Variants in NCOA6 observed in about 807,000 individuals in gnomAD.
NCOA6 encodes the protein NRC RAP250.
Under a neutral mutation model 171.4 loss-of-function variants are expected in NCOA6, and 49 were observed. The ratio of observed to expected loss-of-function variants is 0.29; its 90% confidence interval spans 0.23 to 0.36. NCOA6 has a LOEUF of 0.36. Among genes scored for constraint, NCOA6 ranks in the 10% least tolerant of loss-of-function variants. The pLI, the probability that NCOA6 is intolerant of heterozygous loss-of-function variation, is 1.00. For synonymous variants in NCOA6, 910 were observed against 927.5 expected (o/e 0.98, Z 0.34); for missense variants, 2,248 against 2,554.5 (o/e 0.88, Z 2.59).
At chr20:34,815,295 T>C (rs1601154219) in intron 1 of NCOA6, among the ~76,000 whole-genome samples, 1 of 151,698 alleles carries the variant, frequency 6.6e-6, no homozygotes, top group East Asian at 1.9e-4. Context: ...GAGGATCGCT[T>C]GAGCCTGGGA....
intron 4 of NCOA6, among the ~76,000 whole-genome samples, chr20:34,775,410 G>A (rs887167932): frequency 3.3e-5 from 5 of 152,032 alleles, no homozygotes; most frequent in Admixed American, 6.6e-5. Context: ...TGAACACTGC[G>A]GGCCGGCGTG....
chr20:34,798,143 C>G (rs573751407), intron 1 of NCOA6, among the ~76,000 whole-genome samples: 1 of 152,314 alleles, frequency 6.6e-6, no homozygotes, highest in African/African-American at 2.4e-5. Context: ...AACTCAAGAG[C>G]CTTCGGGCCT....
chr20:34,754,721 C>A lies in NCOA6; in HGVS notation c.1675+1G>T, dbSNP rs1198505621. On this transcript the variant is annotated splice_donor_variant, in intron 8 of 14. Coordinates refer to ENST00000359003, the MANE Select transcript of NCOA6 (RefSeq NM_014071.5). LOFTEE classifies it high-confidence loss of function. ...GGCTAAACAAATCACAGAAAACAAA[C>A]CTGCATGCTGGACATTTTGATTTGC... 2.5e-6 allele frequency: 4 copies of A among 1,614,070 alleles called. No individual in the cohort carries two copies. The South Asian group carries it at 3.3e-5, about 13-fold the overall frequency.
chr20:34,730,101 T>C (rs1990435047), intron 13 of NCOA6, among the ~76,000 whole-genome samples: 1 of 151,856 alleles, frequency 6.6e-6, no homozygotes, highest in South Asian at 2.1e-4. Context: ...AGGATGTCAC[T>C]CTGTCCCCCA....
intron 12 of NCOA6, 93 bp from the exon 13 acceptor site, chr20:34,732,688 CTAAAGTGTCCCTGTGCCCAGCA>C: frequency 9.5e-7 from 1 of 1,053,380 alleles, no homozygotes; most frequent in Non-Finnish European, 1.4e-6. Context: ...CCTATTTAGG[CTAAAGTGTCCCTGTGCCCAGCA>C]GGATTCTCAC....
chr20:34,811,201 G>GTA (rs10700283), intron 1 of NCOA6, among the ~76,000 whole-genome samples: 7,363 of 53,636 alleles, frequency 0.14, 768 homozygotes, highest in Admixed American at 0.23. Context: ...ACAACAACGT[G>GTA]TATATATATA....
At chr20:34,784,537 T>TTTA (rs558167545) in intron 2 of NCOA6, among the ~76,000 whole-genome samples, 412 of 152,236 alleles carry the variant, frequency 2.7e-3, no homozygotes, top group Non-Finnish European at 4.8e-3. Context: ...ATTTTTCTTT[T>TTTA]TTAAATAGTG....
intron 11 of NCOA6, 63 bp downstream of exon 11, chr20:34,740,300 C>A: frequency 6.5e-7 from 1 of 1,538,740 alleles, no homozygotes; most frequent in Non-Finnish European, 8.8e-7. Context: ...GTCATGCTTT[C>A]TCTTGTGGGA....
Position 34,749,700 on chromosome 20 carries a change from T to C in NCOA6, c.2495A>G (p.His832Arg), listed in dbSNP as rs1255790479. ...SIQQTNMVPP[H>R]VQAMQGNSAS... ...ACTGTTTCCCTGCATGGCCTGCACA[T>C]GAGGGGGGACCATGTTGGTTTGTTG... Residue 832 changes from histidine to arginine, a missense_variant, in exon 9 of 15, where the codon CAT becomes CGT. His to Arg is a conservative substitution (Grantham distance 29). Coordinates refer to ENST00000359003, the MANE Select transcript of NCOA6 (RefSeq NM_014071.5). 4 of 1,614,068 alleles carry C rather than the reference T, an allele frequency of 2.5e-6. No homozygotes were observed. Among genetic ancestry groups the C allele is most frequent in the African/African-American group, 1.3e-5 (1 of 74,930 alleles).
intron 12 of NCOA6, among the ~76,000 whole-genome samples, chr20:34,735,331 C>A (rs1306716544): frequency 6.6e-6 from 1 of 152,008 alleles, no homozygotes; most frequent in African/African-American, 2.4e-5. Flanking sequence ...ATCATGTGGG[C>A]AATTGGCAGC....
rs1380486872 is a variant in NCOA6 at position 34,811,222 on chromosome 20, T to A, written c.-164+14250A>T. ...ACGTGTATATATATATATATATATA[T>A]ATATATATATATATGCTTTCAAAAT... is the stretch of plus-strand genomic sequence containing the variant. On this transcript the variant is annotated intron_variant, in intron 1 of 14. Coordinates refer to ENST00000359003, the MANE Select transcript of NCOA6 (RefSeq NM_014071.5). 1.9e-4 allele frequency among the ~76,000 whole-genome samples: 25 copies of A among 134,298 alleles called. 1 individual carries two copies. The highest frequency in any genetic ancestry group is 1.8e-3 in the Admixed American group (25 of 13,728). 88.1% of individuals were successfully genotyped at this position (134,298 alleles called of 152,430 possible). A position where few individuals can be genotyped will look rare whatever the true frequency, so the allele number is the denominator to read the frequency against.
chr20:34,737,273 C>T (rs997176554), intron 11 of NCOA6, among the ~76,000 whole-genome samples: 34 of 152,328 alleles, frequency 2.2e-4, no homozygotes, highest in Admixed American at 5.9e-4. Context: ...TCAATTCATA[C>T]ATAATAAATA....
At chr20:34,785,991 T>A (rs1025859355) in intron 2 of NCOA6, among the ~76,000 whole-genome samples, 1 of 152,202 alleles carries the variant, frequency 6.6e-6, no homozygotes, top group Non-Finnish European at 1.5e-5. Flanking sequence ...GGCTATTTAT[T>A]ACTGCCTCAA....
intron 12 of NCOA6, among the ~76,000 whole-genome samples, chr20:34,735,361 C>G (rs938304195): frequency 1.3e-5 from 2 of 152,050 alleles, no homozygotes; most frequent in East Asian, 3.9e-4. Context: ...ATCTGGGTGG[C>G]TGGGCCGGAA....
At chr20:34,720,298 C>T (rs767471651) in intron 14 of NCOA6, among the ~76,000 whole-genome samples, 21 of 152,140 alleles carry the variant, frequency 1.4e-4, no homozygotes, top group Admixed American at 2.6e-4. Context: ...TGATCAGGTG[C>T]AATTTTAAAA....
In NCOA6 at chr20:34,742,452, C is replaced by G. The variant is rs1471449322; in HGVS notation, c.3804G>C (p.Arg1268Ser). 1 of 1,614,004 alleles carries G rather than the reference C, an allele frequency of 6.2e-7. No homozygotes were observed. ...GATTTAGGCCTTGTTGATCAAAGCCCCTGTTTAAATTTGGCCTAGGAGGTA... is the reference window on the plus strand; with the variant it reads ...GATTTAGGCCTTGTTGATCAAAGCCGCTGTTTAAATTTGGCCTAGGAGGTA... ...IPLPPRPNLN[R>S]GFDQQGLNPT... Residue 1268 changes from arginine (R) to serine (S), a missense_variant, in exon 11 of 15, where the codon AGG becomes AGC. Physicochemically the swap from Arg to Ser is moderately radical, Grantham distance 110. This residue lies in a region of NCOA6 where 14 missense variants were observed against 17.6 expected (regional missense o/e 0.80). Transcript: ENST00000359003.
intron 2 of NCOA6, among the ~76,000 whole-genome samples, chr20:34,790,297 A>G (rs1286142978): frequency 3.9e-5 from 6 of 152,118 alleles, no homozygotes; most frequent in Non-Finnish European, 8.8e-5. Context: ...AAGTAACAGA[A>G]GCCAGACATA....
chr20:34,795,194 T>C (rs1019033970), intron 1 of NCOA6, among the ~76,000 whole-genome samples: 3 of 152,180 alleles, frequency 2.0e-5, no homozygotes, highest in Non-Finnish European at 2.9e-5. Flanking sequence ...AAAATCATTT[T>C]TGCATGATCG....
intron 2 of NCOA6, among the ~76,000 whole-genome samples, chr20:34,789,539 G>A (rs192649506): frequency 3.3e-5 from 5 of 152,244 alleles, no homozygotes; most frequent in Admixed American, 2.0e-4. Context: ...TTGGGAAGCC[G>A]AGGTGGGCAG....
Sources: allele counts gnomAD v4.1 joint callset (sites outside exome capture counted in the v4.1 genomes callset), GRCh38; gene constraint gnomAD v4.1.1; regional missense constraint gnomAD v4.1.1; transcripts MANE v1.5; gene names NCBI Gene and HGNC (gene_info 2026-07-23, HGNC 2026-07-21).